Variants in MIA2 observed in about 807,000 individuals in gnomAD.
The protein encoded by MIA2 is melanoma inhibitory activity protein 2.
A neutral mutation model predicts 167.8 loss-of-function variants in MIA2; 127 were observed. The observed-to-expected ratio is 0.76, with a 90% CI of 0.66 to 0.88. The LOEUF is 0.88. Ranked by LOEUF, MIA2 falls within the 40% of genes least tolerant of loss-of-function variation. The pLI is 0.00. For missense variants in MIA2, 1,690 were observed against 1,624.7 expected, an observed-to-expected ratio of 1.04 and a Z score of -0.69; for synonymous variants, 552 against 541.9, an observed-to-expected ratio of 1.02 and a Z score of -0.26.
chr14:39,362,622 C>T (rs1338186279), intron 23 of MIA2, among the ~76,000 whole-genome samples: 1 of 152,008 alleles, frequency 6.6e-6, no homozygotes, highest in East Asian at 1.9e-4. Flanking sequence ...CTTATCTTTA[C>T]AAATACCCAA....
At chr14:39,340,243 C>T (rs1026661088) in intron 25 of MIA2, among the ~76,000 whole-genome samples, 12 of 152,102 alleles carry the variant, frequency 7.9e-5, no homozygotes, top group Non-Finnish European at 7.4e-5. Flanking sequence ...TTATCTTTTA[C>T]TGATTTGGAT....
At chr14:39,280,955 CT>C (rs1279848567) in intron 9 of MIA2, among the ~76,000 whole-genome samples, 1 of 113,982 alleles carries the variant, frequency 8.8e-6, no homozygotes, top group East Asian at 3.0e-4. Flanking sequence ...GTCTCTCTCT[CT>C]CTCTTGTCTA....
At chr14:39,347,053 T>A (rs2073428819) in intron 26 of MIA2, 1 of 163,670 alleles carries the variant, frequency 6.1e-6, no homozygotes, top group Admixed American at 6.4e-5. Context: ...GAGGTTTCAC[T>A]TGTGTCAAGC....
intron 23 of MIA2, among the ~76,000 whole-genome samples, chr14:39,383,073 T>C (rs2075202119): frequency 6.6e-6 from 1 of 150,938 alleles, no homozygotes; most frequent in Admixed American, 6.7e-5. Context: ...ACAGATGATA[T>C]GACTATTACC....
intron 25 of MIA2, among the ~76,000 whole-genome samples, chr14:39,332,407 G>A (rs556780515): frequency 2.1e-4 from 32 of 152,158 alleles, no homozygotes; most frequent in African/African-American, 7.5e-4. Flanking sequence ...TTAGCTTGGC[G>A]GAGTTTATTA....
chr14:39,267,618 T>TGGTCAGAGGTCCCGAAGCC, intron 6 of MIA2: 2 of 1,421,924 alleles, frequency 1.4e-6, no homozygotes, highest in Non-Finnish European at 1.9e-6. Context: ...TAAGCCGCCG[T>TGGTCAGAGGTCCCGAAGCC]GGTCAGAGGT....
At chr14:39,267,577 G>A in intron 6 of MIA2, 1 of 1,600,370 alleles carries the variant, frequency 6.2e-7, no homozygotes. Context: ...GAGCCGCCGG[G>A]GGAAGGAAGC....
At chr14:39,345,265 G>C (rs925196303) in intron 25 of MIA2, among the ~76,000 whole-genome samples, 9 of 151,918 alleles carry the variant, frequency 5.9e-5, no homozygotes, top group African/African-American at 9.7e-5. Flanking sequence ...GTAGAGACAG[G>C]GTTTCACCAT....
At chr14:39,282,866 C>T (rs898400539) in intron 9 of MIA2, among the ~76,000 whole-genome samples, 1 of 152,206 alleles carries the variant, frequency 6.6e-6, no homozygotes, top group Non-Finnish European at 1.5e-5. Flanking sequence ...AGCCACCATA[C>T]CCGGCCATAT....
At chr14:39,240,437 A>T in intron 2 of MIA2, 124 bp from the exon 3 acceptor site, 1 of 552,246 alleles carries the variant, frequency 1.8e-6, no homozygotes, top group Non-Finnish European at 3.2e-6. Context: ...ATGGAAATTG[A>T]TAGTCGAGTA....
intron 6 of MIA2, chr14:39,267,617 G>GT: frequency 7.1e-7 from 1 of 1,418,306 alleles, no homozygotes; most frequent in Non-Finnish European, 9.6e-7. Context: ...CTAAGCCGCC[G>GT]TGGTCAGAGG....
chr14:39,302,944 A>C (rs2062771590), intron 15 of MIA2, among the ~76,000 whole-genome samples: 2 of 152,114 alleles, frequency 1.3e-5, no homozygotes, highest in Non-Finnish European at 2.9e-5. Flanking sequence ...CCCCTGCATA[A>C]TTAACAAATT....
At chr14:39,256,608 AT>A (rs1315413967) in intron 6 of MIA2, among the ~76,000 whole-genome samples, 1 of 152,176 alleles carries the variant, frequency 6.6e-6, no homozygotes, top group Non-Finnish European at 1.5e-5. Flanking sequence ...CAAAGAAATT[AT>A]GAGAAAGCAA....
rs2053776408 is a variant in MIA2, at chr14:39,237,024, C to T, written c.218C>T (p.Ala73Val). Residue 73 changes from alanine to valine, a missense_variant, in exon 2 of 29, where the codon GCA (alanine) becomes GTA (valine). Ala to Val is a moderately conservative substitution (Grantham distance 64). Transcript: ENST00000640607. ...GEEISVYVKL[A>V]GEREDLWAGS... ...GAGATATCTGTTTATGTTAAACTTG[C>T]AGGAGAAAGGGAAGATTTGTGGGCA... is the stretch of plus-strand genomic sequence containing the variant. 1.9e-6 allele frequency: 3 copies of T among 1,613,982 alleles called. No individual in the cohort carries two copies. The highest frequency in any genetic ancestry group is 2.5e-6 in the Non-Finnish European group (3 of 1,179,934).
chr14:39,253,517 C>T, intron 6 of MIA2: 1 of 297,572 alleles, frequency 3.4e-6, no homozygotes, highest in Non-Finnish European at 6.2e-6. Flanking sequence ...CTGGAGTTCC[C>T]ACTACTTAGG....
chr14:39,314,187 C>T (rs149647048), intron 19 of MIA2, among the ~76,000 whole-genome samples: 44 of 151,936 alleles, frequency 2.9e-4, no homozygotes, highest in Non-Finnish European at 5.3e-4. Context: ...GGAATTCGAG[C>T]CCAGCCTGGT....
chr14:39,274,761 G>T (rs1193245077), intron 6 of MIA2, among the ~76,000 whole-genome samples: 1 of 151,162 alleles, frequency 6.6e-6, no homozygotes, highest in African/African-American at 2.4e-5. Context: ...CAGTCTGCCA[G>T]ATCTAACCAG....
At position 39,349,611 on chromosome 14, in the gene MIA2, C is replaced by A. The variant is rs367926532; in HGVS notation, c.4073-487C>A. ...CATATAGTCTTTCCTTCCCTTGTTT[C>A]TCTTCTCTTTTTAAAGTTAAAGGTG... On this transcript the variant is annotated intron_variant, in intron 28 of 28. Coordinates refer to ENST00000640607, the MANE Select transcript of MIA2 (RefSeq NM_001329214.4). Among the ~76,000 whole-genome samples, 112 of 152,234 alleles carry A rather than the reference C, an allele frequency of 7.4e-4. 2 individuals carry two copies. The South Asian group carries it at 0.023, about 31-fold the overall frequency.
intron 23 of MIA2, chr14:39,385,776 A>G (rs1025046844): frequency 4.4e-5 from 38 of 872,604 alleles, no homozygotes; most frequent in Non-Finnish European, 6.9e-5. Context: ...TTACCAGGTC[A>G]TTTAATTGCT....
Sources: allele counts gnomAD v4.1 joint callset (sites outside exome capture counted in the v4.1 genomes callset), GRCh38; gene constraint gnomAD v4.1.1; transcripts MANE v1.5; gene names NCBI Gene and HGNC (gene_info 2026-07-23, HGNC 2026-07-21).